R3HDM2: variants seen among roughly 807,000 people sequenced by gnomAD.
R3HDM2 encodes R3H domain-containing protein 2.
Under a neutral mutation model 124.5 loss-of-function variants are expected in R3HDM2, and 38 were observed. That is an observed-to-expected ratio of 0.31 (90% CI 0.24 to 0.40). The LOEUF is 0.40. Among genes scored for constraint, R3HDM2 ranks in the 10% least tolerant of loss-of-function variants. The pLI is 1.00. For synonymous variants in R3HDM2, 391 were observed against 448.0 expected (o/e 0.87, Z 1.61); for missense variants, 869 against 1,236.9 (o/e 0.70, Z 4.46).
At chr12:57,376,075 G>C (rs572316467) in intron 2 of R3HDM2, among the ~76,000 whole-genome samples, 53 of 152,318 alleles carry the variant, frequency 3.5e-4, no homozygotes, top group African/African-American at 1.2e-3. Context: ...CATGGTCAAA[G>C]GGGCCCAGTT....
At position 57,283,835 on chromosome 12, in the gene R3HDM2, A is replaced by C; in HGVS notation, c.1160T>G (p.Ile387Ser). 1 of 1,614,060 alleles carries C rather than the reference A, an allele frequency of 6.2e-7. No homozygotes were observed. Among genetic ancestry groups the C allele is most frequent in the Non-Finnish European group, 8.5e-7 (1 of 1,180,002 alleles). The change falls in exon 13 of 24, where the codon ATC (isoleucine) becomes AGC (serine). Residue 387 changes from isoleucine to serine, a missense_variant. By Grantham distance (142) the Ile-to-Ser change is moderately radical (BLOSUM62 -2). Coordinates refer to ENST00000402412, the MANE Select transcript of R3HDM2 (RefSeq NM_001394031.1). Reference protein sequence around the residue: ...GSSKGGSAGRISRPGMALGAP... With the variant: ...GSSKGGSAGRSSRPGMALGAP... ...AGAAGCTGTAATACCTGGCCTGGAGATCCTTCCCGCACTGCCGCCTTTACT... is the reference window on the plus strand; with the variant it reads ...AGAAGCTGTAATACCTGGCCTGGAGCTCCTTCCCGCACTGCCGCCTTTACT...
rs551253821 is a variant in R3HDM2, at chr12:57,307,873, G to A, written c.165+2391C>T. Among the ~76,000 whole-genome samples, 7 of 152,074 alleles carry A rather than the reference G, an allele frequency of 4.6e-5. No individual in the cohort carries two copies. The East Asian group carries it at 1.2e-3, about 25-fold the overall frequency. ...AGAGTAGAGTGCTTCTTAAGGTACT[G>A]CTCCATAGGATCCAGGGAGGCTGAC... On this transcript the variant is annotated intron_variant, in intron 3 of 23. Coordinates refer to ENST00000402412, the MANE Select transcript of R3HDM2 (RefSeq NM_001394031.1).
At chr12:57,316,594 T>C (rs1251343144) in intron 2 of R3HDM2, among the ~76,000 whole-genome samples, 1 of 148,456 alleles carries the variant, frequency 6.7e-6, no homozygotes, top group Non-Finnish European at 1.5e-5. Flanking sequence ...TTTTTTTTTT[T>C]TTTTTTTTTG....
chr12:57,430,532 C>G (rs989079042), intron 1 of R3HDM2, 188 bp downstream of exon 1: 3 of 984,160 alleles, frequency 3.0e-6, no homozygotes, highest in South Asian at 4.7e-5. Context: ...CAGCTTCTCT[C>G]CAGCAGCGCA....
chr12:57,320,101 A>T (rs1263274264), intron 2 of R3HDM2, among the ~76,000 whole-genome samples: 1 of 151,764 alleles, frequency 6.6e-6, no homozygotes, highest in Non-Finnish European at 1.5e-5. Context: ...TCTACTAAAA[A>T]TACAAAAAAT....
At chr12:57,284,662 T>C (rs551877826) in intron 12 of R3HDM2, among the ~76,000 whole-genome samples, 47 of 152,338 alleles carry the variant, frequency 3.1e-4, no homozygotes, top group South Asian at 6.2e-4. Context: ...ACCTGTTTTG[T>C]GGAAATTCCA....
intron 2 of R3HDM2, among the ~76,000 whole-genome samples, chr12:57,353,179 AAC>A (rs2060862863): frequency 6.6e-6 from 1 of 152,252 alleles, no homozygotes; most frequent in East Asian, 1.9e-4. Flanking sequence ...AAAATTCATA[AAC>A]AGTTAAAAAA....
intron 1 of R3HDM2, among the ~76,000 whole-genome samples, chr12:57,401,609 T>C (rs569773485): frequency 6.6e-6 from 1 of 152,314 alleles, no homozygotes; most frequent in African/African-American, 2.4e-5. Context: ...TTACGAATGA[T>C]AAAAATCGAG....
intron 1 of R3HDM2, among the ~76,000 whole-genome samples, chr12:57,412,869 G>A (rs1437142617): frequency 2.0e-5 from 3 of 151,238 alleles, no homozygotes; most frequent in South Asian, 2.1e-4. Context: ...AGCCAGGCAC[G>A]GGCCGGGTGC....
At position 57,283,924 on chromosome 12, in the gene R3HDM2, A is replaced by G. The variant is rs2046759587; in HGVS notation, c.1071T>C (p.Pro357=). 1 of 1,614,146 alleles carries G rather than the reference A, an allele frequency of 6.2e-7. No individual in the cohort carries two copies. Among genetic ancestry groups the G allele is most frequent in the Non-Finnish European group, 8.5e-7 (1 of 1,180,012 alleles). ...SDGSVRSMRP[P]VTKASSFSGI... ...CACTGAAGCTGCTAGCTTTGGTGAC[A>G]GGGGGTCGCATGCTCCGGACAGAGC... is the stretch of plus-strand genomic sequence containing the variant. Residue 357 remains proline, a synonymous_variant, in exon 13 of 24, where the codon CCT becomes CCC. Transcript: ENST00000402412.
At chr12:57,375,735 C>A (rs1169774090) in intron 2 of R3HDM2, among the ~76,000 whole-genome samples, 1 of 148,686 alleles carries the variant, frequency 6.7e-6, no homozygotes, top group African/African-American at 2.5e-5. Flanking sequence ...TGCAGCGGTG[C>A]AATCTCGGCT....
intron 8 of R3HDM2, 110 bp downstream of exon 8, chr12:57,297,218 T>C (rs1053620252): frequency 2.9e-5 from 18 of 617,066 alleles, no homozygotes; most frequent in Admixed American, 6.6e-5. Context: ...AAAACTTCAG[T>C]ATGTTTTCAA....
chr12:57,420,184 TG>T (rs1287173377), intron 1 of R3HDM2, among the ~76,000 whole-genome samples: 1 of 152,176 alleles, frequency 6.6e-6, no homozygotes, highest in Non-Finnish European at 1.5e-5. Context: ...TGTATTGTCT[TG>T]TTCATTCTCC....
intron 13 of R3HDM2, among the ~76,000 whole-genome samples, chr12:57,282,819 G>C (rs903095867): frequency 6.6e-6 from 1 of 152,234 alleles, no homozygotes; most frequent in South Asian, 2.1e-4. Context: ...CAGAGACCTA[G>C]GGGTCAGAGG....
At chr12:57,323,367 A>G (rs993022662) in intron 2 of R3HDM2, among the ~76,000 whole-genome samples, 2 of 152,248 alleles carry the variant, frequency 1.3e-5, no homozygotes, top group South Asian at 2.1e-4. Flanking sequence ...ATGGGAATAG[A>G]GTGTAAAGTA....
In R3HDM2 at chr12:57,256,122, T is replaced by C. The variant is rs377353219; in HGVS notation, c.2548-48A>G. ...CTCATCCCATGTAAACAACATTGAC[T>C]GCCTTGCATCAGAATGTCTGCCTGA... is the stretch of plus-strand genomic sequence containing the variant. On this transcript the variant is annotated intron_variant, in intron 22 of 23. Transcript: ENST00000402412. 4.4e-5 allele frequency: 68 copies of C among 1,545,356 alleles called. No individual in the cohort carries two copies. The African/African-American group carries it at 5.8e-4, about 13-fold the overall frequency.
At chr12:57,266,890 G>C (rs1187955771) in intron 18 of R3HDM2, 59 bp from the exon 19 acceptor site, 1 of 1,207,724 alleles carries the variant, frequency 8.3e-7, no homozygotes, top group Non-Finnish European at 1.2e-6. Context: ...ACAGCTCCTG[G>C]CAAACAGCTG....
At chr12:57,417,300 G>A (rs2069725463) in intron 1 of R3HDM2, among the ~76,000 whole-genome samples, 1 of 150,388 alleles carries the variant, frequency 6.6e-6, no homozygotes, top group South Asian at 2.1e-4. Context: ...CAGGAGAATC[G>A]ATTGAGCCCA....
chr12:57,393,590 C>G (rs752069090), intron 2 of R3HDM2, among the ~76,000 whole-genome samples: 1 of 152,152 alleles, frequency 6.6e-6, no homozygotes, highest in Non-Finnish European at 1.5e-5. Context: ...GGGACACCAT[C>G]AAGCATACTA....
Sources: allele counts gnomAD v4.1 joint callset (sites outside exome capture counted in the v4.1 genomes callset), GRCh38; gene constraint gnomAD v4.1.1; transcripts MANE v1.5; gene names NCBI Gene and HGNC (gene_info 2026-07-23, HGNC 2026-07-21).